The following PXDNL variants were observed in gnomAD, a reference collection of about 807,000 sequenced individuals.
PXDNL encodes peroxidasin like, also known as probable oxidoreductase PXDNL.
A neutral mutation model predicts 150.8 loss-of-function variants in PXDNL; 145 were observed. The ratio of observed to expected loss-of-function variants is 0.96; its 90% CI spans 0.84 to 1.10. PXDNL has a LOEUF of 1.10. Ranked by LOEUF, PXDNL falls within the 50% of genes least tolerant of loss-of-function variation. The pLI, the probability that PXDNL is intolerant of heterozygous loss-of-function variation, is 0.00. For missense variants in PXDNL, 2,087 were observed against 1,873.9 expected, an observed-to-expected ratio of 1.11 and a Z score of -2.10; for synonymous variants, 757 against 725.7, an observed-to-expected ratio of 1.04 and a Z score of -0.69.
At chr8:51,341,894 T>C (rs1414201436) in intron 20 of PXDNL, among the ~76,000 whole-genome samples, 1 of 152,186 alleles carries the variant, frequency 6.6e-6, no homozygotes, top group Non-Finnish European at 1.5e-5. Flanking sequence ...GAAAACAGTA[T>C]GGAGACTCCT....
intron 1 of PXDNL, among the ~76,000 whole-genome samples, chr8:51,803,170 A>G (rs922724520): frequency 6.6e-6 from 1 of 152,186 alleles, no homozygotes; most frequent in African/African-American, 2.4e-5. Flanking sequence ...GAGGCCTCCC[A>G]TCTGTCCTGC....
intron 12 of PXDNL, among the ~76,000 whole-genome samples, chr8:51,431,598 G>C (rs1030624972): frequency 2.0e-5 from 3 of 152,010 alleles, no homozygotes; most frequent in Admixed American, 6.6e-5. Context: ...GTCTCCTCAG[G>C]GTTTTTGTGT....
intron 3 of PXDNL, among the ~76,000 whole-genome samples, chr8:51,574,765 T>G (rs1486241833): frequency 6.6e-6 from 1 of 151,986 alleles, no homozygotes. Flanking sequence ...ATTTTTCCAG[T>G]GGTGAAAGGA....
chr8:51,698,357 G>A (rs1816187565), intron 1 of PXDNL, among the ~76,000 whole-genome samples: 1 of 152,160 alleles, frequency 6.6e-6, no homozygotes, highest in Non-Finnish European at 1.5e-5. Context: ...TTTCAACAAT[G>A]TTCACAGCAT....
At chr8:51,453,908 C>CATATATATATATATATAT (rs143004029) in intron 9 of PXDNL, 123 bp from the exon 10 acceptor site, 1 of 768,168 alleles carries the variant, frequency 1.3e-6, no homozygotes, top group Non-Finnish European at 2.0e-6. Context: ...AAATATTACA[C>CATATATATATATATATAT]ATATATATAT....
chr8:51,397,900 C>T (rs182326971), intron 17 of PXDNL, among the ~76,000 whole-genome samples: 2 of 152,086 alleles, frequency 1.3e-5, no homozygotes, highest in East Asian at 1.9e-4. Context: ...TGCTATCCCT[C>T]CCCCCTCCAC....
intron 17 of PXDNL, among the ~76,000 whole-genome samples, chr8:51,396,997 C>T (rs907301537): frequency 6.6e-6 from 1 of 152,158 alleles, no homozygotes; most frequent in Non-Finnish European, 1.5e-5. Context: ...GCTGTCTCTG[C>T]CATAGCCACT....
Position 51,499,739 on chromosome 8 carries a change from G to A in PXDNL, c.412C>T (p.Gln138Ter), listed in dbSNP as rs765202070. ...YIHFNQLEMLQPETFGDLLRL... is the reference protein window; with the variant it reads ...YIHFNQLEML The stretch of plus-strand genomic sequence containing the variant: ...AGAAGGTCTCCAAAGGTCTCTGGCT[G>A]TAGCATTTCTAGTTGGTTGAAATGA... The change falls in exon 5 of 23, where the codon CAG becomes TAG. Residue 138 changes from glutamine to a stop codon, truncating the protein, a stop_gained. Coordinates refer to ENST00000356297, the MANE Select transcript of PXDNL (RefSeq NM_144651.5). LOFTEE classifies it high-confidence loss of function. 3.1e-6 allele frequency: 5 copies of A among 1,613,506 alleles called. No homozygotes were observed. Among genetic ancestry groups the A allele is most frequent in the Admixed American group, 1.7e-5 (1 of 60,012 alleles).
intron 8 of PXDNL, among the ~76,000 whole-genome samples, chr8:51,458,200 GCC>G (rs1029948147): frequency 6.6e-6 from 1 of 152,088 alleles, no homozygotes; most frequent in Non-Finnish European, 1.5e-5. Flanking sequence ...TGAATATTAG[GCC>G]CCCTTCTCTG....
At chr8:51,608,771 A>C (rs1395318293) in intron 2 of PXDNL, among the ~76,000 whole-genome samples, 1 of 134,684 alleles carries the variant, frequency 7.4e-6, no homozygotes, top group Non-Finnish European at 1.5e-5. Context: ...CGGGAGGCGG[A>C]GCTTGCAGTG....
At chr8:51,433,289 C>T (rs1809304533) in intron 12 of PXDNL, among the ~76,000 whole-genome samples, 1 of 150,314 alleles carries the variant, frequency 6.7e-6, no homozygotes, top group African/African-American at 2.4e-5. Flanking sequence ...ATGTAATTTT[C>T]TATTGTTTTA....
chr8:51,540,969 T>G (rs1275315615), intron 4 of PXDNL, among the ~76,000 whole-genome samples: 1 of 152,084 alleles, frequency 6.6e-6, no homozygotes, highest in East Asian at 1.9e-4. Flanking sequence ...TCAAGAATAT[T>G]GGACTTTCAG....
At chr8:51,563,584 T>C (rs1290591020) in intron 3 of PXDNL, among the ~76,000 whole-genome samples, 1 of 152,026 alleles carries the variant, frequency 6.6e-6, no homozygotes, top group African/African-American at 2.4e-5. Flanking sequence ...AGATTCTGAA[T>C]GGACTCTATT....
At position 51,543,489 on chromosome 8, in the gene PXDNL, G is replaced by A. The variant is rs186950109; in HGVS notation, c.380+13351C>T. On this transcript the variant is annotated intron_variant, in intron 4 of 22. Coordinates refer to ENST00000356297, the MANE Select transcript of PXDNL (RefSeq NM_144651.5). The stretch of plus-strand genomic sequence containing the variant: ...AGTTAAAAAACAATGACTATGGGCG[G>A]ATCACAAGGTCAGGAGATTGAGACA... 4.4e-3 allele frequency among the ~76,000 whole-genome samples: 670 copies of A among 152,028 alleles called. 3 individuals are homozygous for A. Among genetic ancestry groups the A allele is most frequent in the South Asian group, 0.015 (74 of 4,814 alleles).
At chr8:51,481,630 G>A (rs1478447289) in intron 6 of PXDNL, among the ~76,000 whole-genome samples, 1 of 152,284 alleles carries the variant, frequency 6.6e-6, no homozygotes, top group African/African-American at 2.4e-5. Flanking sequence ...TGGTTTCATG[G>A]ACTGGGCCTA....
At chr8:51,482,998 A>ACTT (rs1184594412) in intron 6 of PXDNL, among the ~76,000 whole-genome samples, 1 of 152,080 alleles carries the variant, frequency 6.6e-6, no homozygotes, top group African/African-American at 2.4e-5. Context: ...TGGAACTTAT[A>ACTT]CTTGTGTTTG....
At chr8:51,798,207 G>A (rs1320462088) in intron 1 of PXDNL, among the ~76,000 whole-genome samples, 3 of 152,098 alleles carry the variant, frequency 2.0e-5, no homozygotes, top group African/African-American at 4.8e-5. Context: ...AGACTTAAAT[G>A]TAAAACCCAG....
intron 21 of PXDNL, among the ~76,000 whole-genome samples, chr8:51,331,954 C>T (rs1805703103): frequency 6.6e-6 from 1 of 152,122 alleles, no homozygotes; most frequent in Admixed American, 6.5e-5. Flanking sequence ...TTCTAGGGCC[C>T]AGTCCCTCTC....
At chr8:51,504,217 C>A (rs1811241402) in intron 4 of PXDNL, among the ~76,000 whole-genome samples, 1 of 152,232 alleles carries the variant, frequency 6.6e-6, no homozygotes, top group Admixed American at 6.5e-5. Flanking sequence ...GGTCTGCCTA[C>A]ATCTATCTGG....
Sources: gnomAD v4.1 joint callset for allele counts (sites outside exome capture counted in the v4.1 genomes callset) on GRCh38, gnomAD v4.1.1 for gene constraint, MANE v1.5 for transcripts, NCBI Gene and HGNC (gene_info 2026-07-23, HGNC 2026-07-21) for gene names.